The following DNAJB2 variants were observed in gnomAD, a reference collection of about 807,000 sequenced individuals.
DNAJB2 encodes the protein DnaJ heat shock protein family (Hsp40) member B2, also known as dnaJ homolog subfamily B member 2.
DNAJB2 carries 19 observed loss-of-function variants against 33.3 expected under a neutral mutation model. The observed-to-expected ratio is 0.57, with a 90% CI of 0.40 to 0.84. DNAJB2 has a LOEUF of 0.84. DNAJB2 is among the 40% of genes least tolerant of loss of function. The pLI is 0.00. For missense variants in DNAJB2, 368 were observed against 430.9 expected, an observed-to-expected ratio of 0.85 and a Z score of 1.29; for synonymous variants, 172 against 164.6, an observed-to-expected ratio of 1.04 and a Z score of -0.34.
intron 4 of DNAJB2, 57 bp from the exon 5 acceptor site, chr2:219,281,882 T>TC (rs1049568759): frequency 1.3e-6 from 2 of 1,580,304 alleles, no homozygotes; most frequent in African/African-American, 3.7e-5. Flanking sequence ...TTAGGTGAGG[T>TC]CCCCCGCTCA....
In DNAJB2 at chr2:219,282,946, C is replaced by T. The variant is rs373568031; in HGVS notation, c.445+17C>T. 7.6e-6 allele frequency: 12 copies of T among 1,574,742 alleles called. No homozygotes were observed. The highest frequency in any genetic ancestry group is 1.4e-5 in the African/African-American group (1 of 73,078). ...GGCACTCCGGTAAGTTCTGCCCCTTCCCACGTTTGCAAGCTCCGATTCCTG... is the reference window on the plus strand; with the variant it reads ...GGCACTCCGGTAAGTTCTGCCCCTTTCCACGTTTGCAAGCTCCGATTCCTG... On this transcript the variant is annotated intron_variant, in intron 6 of 8. Transcript: ENST00000336576.
At position 219,279,577 on chromosome 2, in the gene DNAJB2, G is replaced by A. The variant is rs937224520; in HGVS notation, c.-37+59G>A. 2.1e-5 allele frequency: 10 copies of A among 479,662 alleles called. No individual in the cohort carries two copies. The highest frequency in any genetic ancestry group is 1.2e-4 in the African/African-American group (6 of 49,074). 29.7% of individuals were successfully genotyped at this position (479,662 alleles called of 1,614,324 possible). ...CTGGATCGGACTGCTGGAGTTGGGGGGCCCCGATAGGGCTCCTGGGCCTGG... is the reference window on the plus strand; with the variant it reads ...CTGGATCGGACTGCTGGAGTTGGGGAGCCCCGATAGGGCTCCTGGGCCTGG... On this transcript the variant is annotated intron_variant, in intron 1 of 8. Transcript: ENST00000336576. The surrounding 1 kb of genome is among the most constrained non-coding windows in gnomAD (Gnocchi z 4.9).
At chr2:219,280,745 C>T in intron 3 of DNAJB2, 58 bp downstream of exon 3, 2 of 1,305,432 alleles carry the variant, frequency 1.5e-6, no homozygotes, top group African/African-American at 1.5e-5. Context: ...TGCCCCAGCT[C>T]ACATTTTCTT....
Position 219,280,680 on chromosome 2 carries a change from G to A in DNAJB2, c.168G>A (p.Leu56=), listed in dbSNP as rs773451478. The A allele has an allele frequency of 1.9e-6, 3 of 1,612,846 alleles. No individual in the cohort carries two copies. In the South Asian group the frequency reaches 3.3e-5, roughly 18 times the overall value. The part of the protein sequence containing the change: ...FKEVAEAYEV[L]SDKHKREIYD... ...AGGTGGCCGAGGCATATGAAGTGCTGTCTGACAGTAAGGGCCGGGGTCAGG... is the reference window on the plus strand; with the variant it reads ...AGGTGGCCGAGGCATATGAAGTGCTATCTGACAGTAAGGGCCGGGGTCAGG... Residue 56 remains leucine (L), a synonymous_variant, in exon 3 of 9, where the codon CTG becomes CTA. Transcript: ENST00000336576.
intron 3 of DNAJB2, chr2:219,280,947 G>T: frequency 2.1e-6 from 1 of 486,056 alleles, no homozygotes; most frequent in Non-Finnish European, 3.7e-6. Flanking sequence ...GCCAGGCATT[G>T]GTGGGTGTCA....
intron 8 of DNAJB2, among the ~76,000 whole-genome samples, chr2:219,284,356 C>T (rs1220484661): frequency 1.3e-5 from 2 of 152,210 alleles, no homozygotes; most frequent in African/African-American, 2.4e-5. Flanking sequence ...GTTGGGATTA[C>T]AGGCATGAGC....
In DNAJB2 at chr2:219,283,167, G is replaced by T; in HGVS notation, c.480G>T (p.Gly160=). The T allele has an allele frequency of 6.2e-7, 1 of 1,614,186 alleles. No individual in the cohort carries two copies. Among genetic ancestry groups the T allele is most frequent in the Non-Finnish European group, 8.5e-7 (1 of 1,180,042 alleles). ...CCTCATCTTTCTCCTTCAGTCCTGG[G>T]GCTGGTGCTTTTCGCTCTGTTTCTA... is the stretch of plus-strand genomic sequence containing the variant. The part of the protein sequence containing the change: ...FSSSSFSFSP[G]AGAFRSVSTS... The change falls in exon 7 of 9, where the codon GGG becomes GGT. Residue 160 remains glycine (G), a synonymous_variant. Transcript: ENST00000336576.
In DNAJB2 at chr2:219,285,374, G is replaced by A. The variant is rs1220370550; in HGVS notation, c.*387G>A. 2 of 1,015,208 alleles carry A rather than the reference G, an allele frequency of 2.0e-6. No homozygotes were observed. The highest frequency in any genetic ancestry group is 3.4e-5 in the African/African-American group (2 of 58,418). 62.9% of individuals were successfully genotyped at this position (1,015,208 alleles called of 1,614,324 possible). A position where few individuals can be genotyped will look rare whatever the true frequency, so the allele number is the denominator to read the frequency against. On this transcript the variant is annotated 3_prime_UTR_variant, in exon 9 of 9. Coordinates refer to ENST00000336576, the MANE Select transcript of DNAJB2 (RefSeq NM_006736.6). ...TTGGCCTAGGGTTGTCTGAGCCGGA[G>A]CCGGCAGCTCCACTGGAGAGCAGTG...
chr2:219,282,735 C>G, intron 5 of DNAJB2, 102 bp from the exon 6 acceptor site: 2 of 1,144,782 alleles, frequency 1.7e-6, no homozygotes, highest in Non-Finnish European at 2.4e-6. Context: ...AAGAAAAACC[C>G]TACCCAGTTG....
At position 219,282,098 on chromosome 2, in the gene DNAJB2, T is replaced by TC. The variant is rs1232278359; in HGVS notation, c.352+42dup. The TC allele has an allele frequency of 3.1e-6, 5 of 1,613,446 alleles. No homozygotes were observed. In the African/African-American group the frequency reaches 6.7e-5, roughly 22 times the overall value. ...CTGGAAGCCTCTGAATGGCTCAACT[T>TC]CCCCCTCCAGGCCTGTCCTTCCATC... On this transcript the variant is annotated intron_variant, in intron 5 of 8. Transcript: ENST00000336576.
rs368030581 is a variant in DNAJB2, at chr2:219,285,966, C to T, written c.*979C>T. ...GCCGCTGACGCTCTCTCCTGTCACC[C>T]CGCCCCTGCTCTCTCCCCAGATGTG... On this transcript the variant is annotated 3_prime_UTR_variant, in exon 9 of 9. Coordinates refer to ENST00000336576, the MANE Select transcript of DNAJB2 (RefSeq NM_006736.6). 1.2e-6 allele frequency: 2 copies of T among 1,611,876 alleles called. No individual in the cohort carries two copies. Among genetic ancestry groups the T allele is most frequent in the South Asian group, 1.1e-5 (1 of 91,034 alleles).
intron 2 of DNAJB2, 119 bp downstream of exon 2, chr2:219,280,017 T>C: frequency 8.8e-7 from 1 of 1,134,574 alleles, no homozygotes; most frequent in Non-Finnish European, 1.3e-6. Flanking sequence ...AGCACTGGGG[T>C]GCTTCTTCCG....
chr2:219,284,961 A>G lies in DNAJB2; in HGVS notation c.949A>G (p.Lys317Glu), dbSNP rs934328252. Residue 317 changes from lysine (K) to glutamate (E), a missense_variant, in exon 9 of 9, where the codon AAG (lysine) becomes GAG (glutamate). Transcript: ENST00000336576. ...ATKRSPSPEE[K>E]ASRCLIL ...CAAACGCAGTCCATCCCCAGAGGAG[A>G]AGGCCTCTCGCTGCCTCATCCTCTG... 2 of 1,532,436 alleles carry G rather than the reference A, an allele frequency of 1.3e-6. No individual in the cohort carries two copies. Among genetic ancestry groups the G allele is most frequent in the Non-Finnish European group, 1.8e-6 (2 of 1,135,490 alleles). The allele number at this position is 1,532,436 out of a possible 1,614,324, so 94.9% of individuals were successfully genotyped here. A position where few individuals can be genotyped will look rare whatever the true frequency, so the allele number is the denominator to read the frequency against.
At chr2:219,284,376 C>T (rs564628523) in intron 8 of DNAJB2, among the ~76,000 whole-genome samples, 9 of 152,326 alleles carry the variant, frequency 5.9e-5, no homozygotes, top group South Asian at 2.1e-4. Flanking sequence ...CCACTGTGCC[C>T]GGCCATCATT....
intron 2 of DNAJB2, chr2:219,280,199 A>C (rs1274412601): frequency 9.8e-6 from 5 of 507,872 alleles, no homozygotes; most frequent in Non-Finnish European, 1.4e-5. Context: ...CCTTCCCCCT[A>C]GATTTGGGCA....
intron 8 of DNAJB2, 44 bp downstream of exon 8, chr2:219,283,533 G>A: frequency 6.3e-7 from 1 of 1,584,180 alleles, no homozygotes; most frequent in Non-Finnish European, 8.6e-7. Flanking sequence ...GGAAGCCCCA[G>A]CCCCAACCTC....
At position 219,283,203 on chromosome 2, in the gene DNAJB2, C is replaced by T. The variant is rs773452073; in HGVS notation, c.516C>T (p.Thr172=). 11 of 1,614,214 alleles carry T rather than the reference C, an allele frequency of 6.8e-6. No individual in the cohort carries two copies. Among genetic ancestry groups the T allele is most frequent in the Non-Finnish European group, 8.5e-6 (10 of 1,180,036 alleles). The change falls in exon 7 of 9, where the codon ACC becomes ACT. Residue 172 remains threonine (T), a synonymous_variant. Transcript: ENST00000336576. ...TTCGCTCTGTTTCTACATCTACCAC[C>T]TTTGTCCAAGGACGCCGCATCACCA... ...GAFRSVSTST[T]FVQGRRITTR...
chr2:219,283,181 GCT>G lies in DNAJB2; in HGVS notation c.497_498del (p.Ser166CysfsTer45). Reference sequence around the variant, plus strand: ...TTCAGTCCTGGGGCTGGTGCTTTTCGCTCTGTTTCTACATCTACCACCTTTGT... The same window carrying G: ...TTCAGTCCTGGGGCTGGTGCTTTTCGCTGTTTCTACATCTACCACCTTTGT... On this transcript the variant is annotated frameshift_variant, in exon 7 of 9. Coordinates refer to ENST00000336576, the MANE Select transcript of DNAJB2 (RefSeq NM_006736.6). LOFTEE classifies it high-confidence loss of function. 6.2e-7 allele frequency: 1 copy of G among 1,614,180 alleles called. No individual in the cohort carries two copies. The highest frequency in any genetic ancestry group is 8.5e-7 in the Non-Finnish European group (1 of 1,180,036).
chr2:219,286,124 C>A lies in DNAJB2; in HGVS notation c.*1137C>A, dbSNP rs1285707725. 2.3e-5 allele frequency: 1 copy of A among 43,580 alleles called. No individual in the cohort carries two copies. Among genetic ancestry groups the A allele is most frequent in the Non-Finnish European group, 4.4e-5 (1 of 22,512 alleles). The allele number at this position is 43,580 out of a possible 1,614,324, so 2.7% of individuals were successfully genotyped here. A position where few individuals can be genotyped will look rare whatever the true frequency, so the allele number is the denominator to read the frequency against. Reference sequence around the variant, plus strand: ...GAGTGTAGAGCCGGGGCCTGGGTGGCGGGTGGGGGCCGGGTGGGAGGTGGC... The same window carrying A: ...GAGTGTAGAGCCGGGGCCTGGGTGGAGGGTGGGGGCCGGGTGGGAGGTGGC... On this transcript the variant is annotated 3_prime_UTR_variant, in exon 9 of 9. Transcript: ENST00000336576.
Sources: gnomAD v4.1 joint callset for allele counts (sites outside exome capture counted in the v4.1 genomes callset) on GRCh38, gnomAD v4.1.1 for gene constraint, Gnocchi (gnomAD v3.1) non-coding constraint, MANE v1.5 for transcripts, NCBI Gene and HGNC (gene_info 2026-07-23, HGNC 2026-07-21) for gene names.